The following FBXL17 variants were observed in gnomAD, a reference collection of about 807,000 sequenced individuals.
The protein encoded by FBXL17 is F-box/LRR-repeat protein 17.
A neutral mutation model predicts 66.2 loss-of-function variants in FBXL17; 22 were observed. That is an observed-to-expected ratio of 0.33 (90% CI 0.24 to 0.47). FBXL17 has a LOEUF of 0.47. Among genes scored for constraint, FBXL17 ranks in the 20% least tolerant of loss-of-function variants. FBXL17 has a pLI of 1.00. For synonymous variants in FBXL17, 474 were observed against 400.5 expected (o/e 1.18, Z -2.19); for missense variants, 878 against 948.2 (o/e 0.93, Z 0.97).
chr5:107,993,027 C>G (rs1431025684), intron 7 of FBXL17, among the ~76,000 whole-genome samples: 1 of 152,122 alleles, frequency 6.6e-6, no homozygotes, highest in Non-Finnish European at 1.5e-5. Context: ...TCCCGAGTAG[C>G]TGGGACCACA....
intron 4 of FBXL17, among the ~76,000 whole-genome samples, chr5:108,329,700 CTTT>C (rs1250471105): frequency 6.6e-6 from 1 of 152,110 alleles, no homozygotes; most frequent in African/African-American, 2.4e-5. Flanking sequence ...AAAATAGCTT[CTTT>C]AACTTTAATC....
rs571384892 is a variant in FBXL17, at chr5:107,861,910, G to C, written c.1966-50C>G. The C allele has an allele frequency of 2.5e-5, 36 of 1,418,582 alleles. No homozygotes were observed. The South Asian group carries it at 6.0e-4, about 24-fold the overall frequency. 87.9% of individuals were successfully genotyped at this position (1,418,582 alleles called of 1,614,324 possible). The stretch of plus-strand genomic sequence containing the variant: ...CACGCACAGAGACCACCAACACCAC[G>C]CCGCTGCCCACGCTCACTGATGTGC... On this transcript the variant is annotated intron_variant, in intron 8 of 8. Coordinates refer to ENST00000542267, the MANE Select transcript of FBXL17 (RefSeq NM_001163315.3).
chr5:108,305,416 T>A lies in FBXL17; in HGVS notation c.1506+42983A>T, dbSNP rs1388023162. Among the ~76,000 whole-genome samples, 4 of 151,946 alleles carry A rather than the reference T, an allele frequency of 2.6e-5. No homozygotes were observed. The East Asian group carries it at 5.8e-4, about 22-fold the overall frequency. On this transcript the variant is annotated intron_variant, in intron 4 of 8. Transcript: ENST00000542267. ...AGATTATCTGTGCAGCACACCACCA[T>A]GACATAGGTTTACCTAAGTAACAAA...
intron 7 of FBXL17, among the ~76,000 whole-genome samples, chr5:108,003,731 T>C (rs1261310778): frequency 6.6e-6 from 1 of 151,810 alleles, no homozygotes; most frequent in African/African-American, 2.4e-5. Flanking sequence ...ACAGAGAAAA[T>C]TGGACAGGGC....
chr5:107,961,401 T>C (rs1014990322), intron 7 of FBXL17, among the ~76,000 whole-genome samples: 4 of 151,534 alleles, frequency 2.6e-5, no homozygotes, highest in African/African-American at 9.7e-5. Context: ...ATTTTTGTAA[T>C]TTTTTTGGTA....
intron 6 of FBXL17, among the ~76,000 whole-genome samples, chr5:108,177,646 G>A (rs924444702): frequency 2.0e-5 from 3 of 151,926 alleles, no homozygotes; most frequent in Admixed American, 2.0e-4. Flanking sequence ...ATAAGGACAT[G>A]GAAGACAGTG....
At chr5:107,909,416 A>G (rs1431495576) in intron 7 of FBXL17, among the ~76,000 whole-genome samples, 1 of 152,170 alleles carries the variant, frequency 6.6e-6, no homozygotes. Flanking sequence ...AACCATAATT[A>G]GCTGCCTTGC....
intron 7 of FBXL17, among the ~76,000 whole-genome samples, chr5:107,892,934 A>G (rs2112520039): frequency 6.6e-6 from 1 of 152,304 alleles, no homozygotes; most frequent in South Asian, 2.1e-4. Context: ...TACAGCAAAT[A>G]ATACATTTTC....
chr5:108,010,501 C>A (rs6858950), intron 7 of FBXL17, among the ~76,000 whole-genome samples: 19,332 of 151,936 alleles, frequency 0.13, 1,530 homozygotes, highest in East Asian at 0.34. Flanking sequence ...GAAGGCTGGA[C>A]CTGTGATGAC....
At chr5:108,194,973 A>C (rs934958919) in intron 5 of FBXL17, among the ~76,000 whole-genome samples, 7 of 152,158 alleles carry the variant, frequency 4.6e-5, no homozygotes, top group African/African-American at 1.7e-4. Flanking sequence ...TACAAAAATA[A>C]TTTGTAAAGC....
intron 4 of FBXL17, among the ~76,000 whole-genome samples, chr5:108,260,279 G>A (rs943760280): frequency 1.3e-5 from 2 of 152,088 alleles, no homozygotes; most frequent in African/African-American, 4.8e-5. Flanking sequence ...AGGTAGTGAA[G>A]AGGCAAGGGG....
At chr5:108,205,738 G>GT (rs1754088898) in intron 5 of FBXL17, among the ~76,000 whole-genome samples, 1 of 151,854 alleles carries the variant, frequency 6.6e-6, no homozygotes, top group Non-Finnish European at 1.5e-5. Flanking sequence ...GTTTTGTTTT[G>GT]TTTTTTAGAC....
At chr5:108,018,455 A>T (rs548971356) in intron 7 of FBXL17, among the ~76,000 whole-genome samples, 1 of 152,110 alleles carries the variant, frequency 6.6e-6, no homozygotes, top group African/African-American at 2.4e-5. Flanking sequence ...CTCATATAGC[A>T]TTGGCATTGT....
chr5:107,929,875 C>G (rs924795262), intron 7 of FBXL17, among the ~76,000 whole-genome samples: 2 of 152,134 alleles, frequency 1.3e-5, no homozygotes, highest in African/African-American at 2.4e-5. Flanking sequence ...AATTTTTATA[C>G]TCTATTTCCC....
intron 3 of FBXL17, among the ~76,000 whole-genome samples, chr5:108,348,984 G>A (rs1032103997): frequency 6.6e-6 from 1 of 151,864 alleles, no homozygotes; most frequent in African/African-American, 2.4e-5. Context: ...TTTAAATTTT[G>A]TTGTAGAGCT....
chr5:107,867,633 G>C (rs980072176), intron 8 of FBXL17, among the ~76,000 whole-genome samples: 1 of 152,200 alleles, frequency 6.6e-6, no homozygotes, highest in Non-Finnish European at 1.5e-5. Flanking sequence ...TGATGGCAAA[G>C]AATAAATTGT....
At position 108,302,336 on chromosome 5, in the gene FBXL17, T is replaced by C. The variant is rs1009719606; in HGVS notation, c.1506+46063A>G. On this transcript the variant is annotated intron_variant, in intron 4 of 8. Coordinates refer to ENST00000542267, the MANE Select transcript of FBXL17 (RefSeq NM_001163315.3). Reference sequence around the variant, plus strand: ...GGTGGGAGGGTTCACCTCCAGTTTATGGAATGAGTGCTTCAAACAAAATCC... The same window carrying C: ...GGTGGGAGGGTTCACCTCCAGTTTACGGAATGAGTGCTTCAAACAAAATCC... Among the ~76,000 whole-genome samples, 9 of 151,978 alleles carry C rather than the reference T, an allele frequency of 5.9e-5. No individual in the cohort carries two copies. The South Asian group carries it at 1.4e-3, about 24-fold the overall frequency.
chr5:108,374,157 GA>G (rs1258177746), intron 1 of FBXL17, among the ~76,000 whole-genome samples: 4 of 152,150 alleles, frequency 2.6e-5, no homozygotes, highest in African/African-American at 9.7e-5. Flanking sequence ...CCAGACAAGA[GA>G]TGAACAAGTA....
chr5:108,133,153 G>A lies in FBXL17; in HGVS notation c.1745+52964C>T, dbSNP rs180747166. 3.7e-4 allele frequency among the ~76,000 whole-genome samples: 57 copies of A among 152,190 alleles called. 3 individuals carry two copies. In the East Asian group the frequency reaches 4.2e-3, roughly 11 times the overall value. On this transcript the variant is annotated intron_variant, in intron 6 of 8. Transcript: ENST00000542267. ...GATGACAATTTTAAAAGCATTATTC[G>A]TAAAAGATGTAGGAAAAGCATCAAA... is the stretch of plus-strand genomic sequence containing the variant.
Sources: allele counts gnomAD v4.1 joint callset (sites outside exome capture counted in the v4.1 genomes callset), GRCh38; gene constraint gnomAD v4.1.1; transcripts MANE v1.5; gene names NCBI Gene and HGNC (gene_info 2026-07-23, HGNC 2026-07-21).